Variants in SH3RF2 observed in about 807,000 individuals in gnomAD.
SH3RF2 encodes the protein E3 ubiquitin-protein ligase SH3RF2.
A neutral mutation model predicts 59.0 loss-of-function variants in SH3RF2; 43 were observed. That is an observed-to-expected ratio of 0.73 (90% confidence interval 0.57 to 0.94). SH3RF2 has a LOEUF of 0.94. SH3RF2 is among the 40% of genes least tolerant of loss of function. The probability of loss-of-function intolerance (pLI) is 0.00; values close to 1 mark genes in which losing one functional copy is unlikely to be tolerated. For synonymous variants in SH3RF2, 391 were observed against 391.5 expected (o/e 1.00, Z 0.01); for missense variants, 930 against 940.1 (o/e 0.99, Z 0.14).
At chr5:146,074,046 T>TTC (rs1763292271) in intron 9 of SH3RF2, among the ~76,000 whole-genome samples, 1 of 145,080 alleles carries the variant, frequency 6.9e-6, no homozygotes, top group Admixed American at 6.7e-5. Flanking sequence ...CTTTTTTTTT[T>TTC]TTTTTTTTTT....
chr5:145,940,300 A>G (rs190769317), intron 2 of SH3RF2, among the ~76,000 whole-genome samples: 1 of 152,284 alleles, frequency 6.6e-6, no homozygotes, highest in Non-Finnish European at 1.5e-5. Context: ...TGTCCTAACT[A>G]TCCTTTCTTG....
chr5:145,999,222 C>A (rs1760294842), intron 2 of SH3RF2, among the ~76,000 whole-genome samples: 2 of 152,126 alleles, frequency 1.3e-5, no homozygotes, highest in Non-Finnish European at 2.9e-5. Context: ...TCTCTCTCAG[C>A]CTTCATAGAA....
At chr5:146,015,246 C>T (rs1254412055) in intron 5 of SH3RF2, among the ~76,000 whole-genome samples, 2 of 152,190 alleles carry the variant, frequency 1.3e-5, no homozygotes, top group East Asian at 3.9e-4. Context: ...TATCTTATAC[C>T]ACTGTCTGGG....
At chr5:146,073,605 C>A (rs143377001) in intron 9 of SH3RF2, among the ~76,000 whole-genome samples, 2 of 152,304 alleles carry the variant, frequency 1.3e-5, no homozygotes, top group East Asian at 1.9e-4. Flanking sequence ...CATTTAAAGT[C>A]GCAGAATGTT....
At chr5:146,036,269 G>C (rs1301823232) in intron 5 of SH3RF2, among the ~76,000 whole-genome samples, 1 of 152,162 alleles carries the variant, frequency 6.6e-6, no homozygotes, top group Admixed American at 6.5e-5. Flanking sequence ...AAAATAGCAG[G>C]GGAGACCAGA....
intron 5 of SH3RF2, among the ~76,000 whole-genome samples, chr5:146,046,239 C>A (rs1762298686): frequency 6.6e-6 from 1 of 152,166 alleles, no homozygotes; most frequent in Non-Finnish European, 1.5e-5. Context: ...AATCCATAGA[C>A]CACATGTGTG....
chr5:145,954,943 G>C (rs555759299), intron 2 of SH3RF2, among the ~76,000 whole-genome samples: 1 of 152,052 alleles, frequency 6.6e-6, no homozygotes, highest in Non-Finnish European at 1.5e-5. Flanking sequence ...ATGACCAGAG[G>C]TGGGGGGAAG....
chr5:146,059,948 T>C lies in SH3RF2; in HGVS notation c.1638T>C (p.Leu546=). 6.5e-7 allele frequency: 1 copy of C among 1,538,414 alleles called. No homozygotes were observed. Among genetic ancestry groups the C allele is most frequent in the Admixed American group, 2.0e-5 (1 of 49,794 alleles). ...GSLRRSPTMV[L]RPQQFQFYQP... is the part of the protein sequence containing the mutation. ...TCAGACGCAGCCCCACCATGGTCCT[T>C]CGGCCTCAGCAGTTCCAATTCTACC... The change falls in exon 9 of 10, where the codon CTT becomes CTC. Residue 546 remains leucine (L), a synonymous_variant. Coordinates refer to ENST00000359120, the MANE Select transcript of SH3RF2 (RefSeq NM_152550.4).
chr5:145,952,384 C>A (rs1758223093), intron 2 of SH3RF2, among the ~76,000 whole-genome samples: 3 of 152,068 alleles, frequency 2.0e-5, no homozygotes, highest in Non-Finnish European at 4.4e-5. Context: ...AATAGTAGTG[C>A]TACTTTTAAC....
chr5:146,020,399 G>C (rs1297641327), intron 5 of SH3RF2, among the ~76,000 whole-genome samples: 1 of 152,100 alleles, frequency 6.6e-6, no homozygotes, highest in African/African-American at 2.4e-5. Context: ...CACAATGCCT[G>C]CATTATTCTG....
intron 5 of SH3RF2, among the ~76,000 whole-genome samples, chr5:146,034,524 C>A (rs1385099805): frequency 2.0e-5 from 3 of 152,162 alleles, no homozygotes; most frequent in Non-Finnish European, 4.4e-5. Context: ...AAACACATGC[C>A]CTTTTCACTT....
chr5:145,999,025 T>TA lies in SH3RF2; in HGVS notation c.379-1023dup, dbSNP rs34669232. On this transcript the variant is annotated intron_variant, in intron 2 of 9. Coordinates refer to ENST00000359120, the MANE Select transcript of SH3RF2 (RefSeq NM_152550.4). ...AACTTAATTTAAAATACTTTATTAC[T>TA]AAAAAAAAAACCTTAATGATGATCT... Among the ~76,000 whole-genome samples the TA allele has an allele frequency of 5.9e-3, 887 of 150,744 alleles. 13 individuals are homozygous for TA. The highest frequency in any genetic ancestry group is 0.02 in the African/African-American group (835 of 41,102).
intron 2 of SH3RF2, among the ~76,000 whole-genome samples, chr5:145,994,050 G>A (rs538789580): frequency 1.3e-5 from 2 of 152,264 alleles, no homozygotes; most frequent in Admixed American, 1.3e-4. Context: ...TCTTCCACCA[G>A]ATACGCTAAA....
At chr5:145,994,467 G>A (rs1760073186) in intron 2 of SH3RF2, among the ~76,000 whole-genome samples, 1 of 152,212 alleles carries the variant, frequency 6.6e-6, no homozygotes, top group African/African-American at 2.4e-5. Flanking sequence ...AAGAAAAGGA[G>A]GTTTAATTGG....
Position 146,049,202 on chromosome 5 carries a change from CGAG to C in SH3RF2, c.1280_1282del (p.Arg427_Val428delinsLeu), listed in dbSNP as rs1561763081. On this transcript the variant is annotated inframe_deletion, in exon 7 of 10. Transcript: ENST00000359120. ...CAGGGGCGTCTCCTTGGTCACCGGG[CGAG>C]TCGGCATCTTCCCAAACAATTACGT... 18 of 1,613,658 alleles carry C rather than the reference CGAG, an allele frequency of 1.1e-5. No individual in the cohort carries two copies. Among genetic ancestry groups the C allele is most frequent in the Non-Finnish European group, 1.4e-5 (17 of 1,179,868 alleles).
At chr5:145,946,672 C>A (rs1297440049) in intron 2 of SH3RF2, among the ~76,000 whole-genome samples, 1 of 152,100 alleles carries the variant, frequency 6.6e-6, no homozygotes, top group African/African-American at 2.4e-5. Flanking sequence ...AGTCGCTAAC[C>A]CTAAGAAGAT....
At chr5:146,058,659 C>T (rs909878975) in intron 8 of SH3RF2, among the ~76,000 whole-genome samples, 2 of 152,086 alleles carry the variant, frequency 1.3e-5, no homozygotes, top group Non-Finnish European at 2.9e-5. Flanking sequence ...TGGGACAAAA[C>T]CTACAGCTTC....
At chr5:146,012,195 G>C (rs573509470) in intron 4 of SH3RF2, among the ~76,000 whole-genome samples, 3 of 152,110 alleles carry the variant, frequency 2.0e-5, no homozygotes, top group African/African-American at 7.2e-5. Context: ...ATTGATTTGC[G>C]TATGTTGAAC....
At chr5:146,077,609 A>T (rs35917756) in intron 9 of SH3RF2, among the ~76,000 whole-genome samples, 34,350 of 152,148 alleles carry the variant, frequency 0.23, 4,903 homozygotes, top group Admixed American at 0.34. Context: ...AAGAATATGC[A>T]CTTACATAAC....
Sources: allele counts gnomAD v4.1 joint callset (sites outside exome capture counted in the v4.1 genomes callset), GRCh38; gene constraint gnomAD v4.1.1; transcripts MANE v1.5; gene names NCBI Gene and HGNC (gene_info 2026-07-23, HGNC 2026-07-21).